Variants in ZBTB7C observed in about 807,000 individuals in gnomAD.
ZBTB7C encodes the protein zinc finger and BTB domain-containing protein 7C.
Under a neutral mutation model 25.7 loss-of-function variants are expected in ZBTB7C, and 8 were observed. The ratio of observed to expected loss-of-function variants is 0.31; its 90% confidence interval spans 0.18 to 0.56. The LOEUF (loss-of-function observed/expected upper bound fraction) is 0.56, where lower values mean the gene tolerates loss of function less well. Among genes scored for constraint, ZBTB7C ranks in the 20% least tolerant of loss-of-function variants. The probability of loss-of-function intolerance (pLI) is 0.91; values close to 1 mark genes in which losing one functional copy is unlikely to be tolerated. For synonymous variants in ZBTB7C, 394 were observed against 369.0 expected (o/e 1.07, Z -0.78); for missense variants, 824 against 855.2 (o/e 0.96, Z 0.46).
chr18:48,259,368 T>G (rs2044106841), intron 2 of ZBTB7C, among the ~76,000 whole-genome samples: 1 of 148,178 alleles, frequency 6.7e-6, no homozygotes, highest in Non-Finnish European at 1.5e-5. Context: ...AATATATACC[T>G]TCTACCATAC....
chr18:48,364,465 T>G (rs1186515878), intron 1 of ZBTB7C, among the ~76,000 whole-genome samples: 1 of 152,060 alleles, frequency 6.6e-6, no homozygotes, highest in Non-Finnish European at 1.5e-5. Context: ...AAATTCCAGA[T>G]GGGAGCACAG....
intron 3 of ZBTB7C, among the ~76,000 whole-genome samples, chr18:48,121,540 G>A (rs1314036617): frequency 6.6e-6 from 1 of 152,154 alleles, no homozygotes; most frequent in African/African-American, 2.4e-5. Flanking sequence ...GAGCCTGGAT[G>A]AGATGCCTCC....
chr18:48,383,772 G>A (rs1417162316), intron 1 of ZBTB7C, among the ~76,000 whole-genome samples: 3 of 152,164 alleles, frequency 2.0e-5, no homozygotes, highest in Non-Finnish European at 4.4e-5. Flanking sequence ...TGGTGCCTAG[G>A]TAAGGCTGGA....
chr18:48,394,359 T>C (rs976851911), intron 1 of ZBTB7C, among the ~76,000 whole-genome samples: 1 of 152,118 alleles, frequency 6.6e-6, no homozygotes, highest in Non-Finnish European at 1.5e-5. Context: ...GAAAGAGCAA[T>C]TTCTGAAGAG....
At chr18:48,153,725 A>G (rs2040748435) in intron 3 of ZBTB7C, among the ~76,000 whole-genome samples, 1 of 152,228 alleles carries the variant, frequency 6.6e-6, no homozygotes, top group Non-Finnish European at 1.5e-5. Context: ...ACACTCCAGG[A>G]TACACTCAGA....
At chr18:48,199,837 A>G (rs2042396439) in intron 2 of ZBTB7C, among the ~76,000 whole-genome samples, 1 of 152,244 alleles carries the variant, frequency 6.6e-6, no homozygotes, top group Non-Finnish European at 1.5e-5. Flanking sequence ...TCCAGAGGAT[A>G]TGATCCAAGA....
At chr18:48,309,902 A>T (rs2045771562) in intron 2 of ZBTB7C, among the ~76,000 whole-genome samples, 1 of 152,102 alleles carries the variant, frequency 6.6e-6, no homozygotes, top group Non-Finnish European at 1.5e-5. Flanking sequence ...AAGAGTTGCA[A>T]ATGTCAAGTG....
At chr18:48,292,568 G>A (rs1321737056) in intron 2 of ZBTB7C, among the ~76,000 whole-genome samples, 1 of 152,210 alleles carries the variant, frequency 6.6e-6, no homozygotes, top group Non-Finnish European at 1.5e-5. Context: ...GCAGAGAGAA[G>A]AGATGCTGTC....
Position 48,263,128 on chromosome 18 carries a change from T to C in ZBTB7C, c.-79+75046A>G, listed in dbSNP as rs540635085. Among the ~76,000 whole-genome samples, 22 of 152,310 alleles carry C rather than the reference T, an allele frequency of 1.4e-4. 1 individual carries two copies. The South Asian group carries it at 4.1e-3, about 29-fold the overall frequency. Reference sequence around the variant, plus strand: ...ACTCCTCATTGTCCCACAAACACCATAAAAGTTCCTGTCCCAGTGCTTGGT... The same window carrying C: ...ACTCCTCATTGTCCCACAAACACCACAAAAGTTCCTGTCCCAGTGCTTGGT... On this transcript the variant is annotated intron_variant, in intron 2 of 4. Coordinates refer to ENST00000590800, the MANE Select transcript of ZBTB7C (RefSeq NM_001318841.2).
intron 1 of ZBTB7C, 143 bp from the exon 2 acceptor site, chr18:48,338,541 T>A (rs763506192): frequency 6.6e-6 from 1 of 152,258 alleles, no homozygotes; most frequent in Non-Finnish European, 1.5e-5. Context: ...ACCAACTCGA[T>A]CTCATCCAGG....
intron 3 of ZBTB7C, among the ~76,000 whole-genome samples, chr18:48,086,415 C>T (rs1598851411): frequency 6.6e-6 from 1 of 152,308 alleles, no homozygotes; most frequent in Admixed American, 6.5e-5. Context: ...CCAGAGCCTG[C>T]ATTTCTACCT....
intron 2 of ZBTB7C, among the ~76,000 whole-genome samples, chr18:48,265,133 C>G (rs1177634309): frequency 6.6e-6 from 1 of 152,156 alleles, no homozygotes; most frequent in Non-Finnish European, 1.5e-5. Flanking sequence ...ACCTGGCCTG[C>G]CTTTGGCAAG....
chr18:48,055,410 CAAAA>C (rs57782791), intron 3 of ZBTB7C, among the ~76,000 whole-genome samples: 1,167 of 72,766 alleles, frequency 0.016, 15 homozygotes, highest in African/African-American at 0.058. Flanking sequence ...ACTCAAGTCT[CAAAA>C]AAAAAAAAAA....
At chr18:48,376,671 T>C (rs1208121361) in intron 1 of ZBTB7C, among the ~76,000 whole-genome samples, 1 of 152,252 alleles carries the variant, frequency 6.6e-6, no homozygotes, top group African/African-American at 2.4e-5. Flanking sequence ...CTCTGCAGTC[T>C]GGGTGTACAA....
chr18:48,225,755 T>G (rs1354389126), intron 2 of ZBTB7C, among the ~76,000 whole-genome samples: 3 of 152,068 alleles, frequency 2.0e-5, no homozygotes, highest in Non-Finnish European at 4.4e-5. Flanking sequence ...TTCCTAATTT[T>G]TTTTTTGAGA....
chr18:48,063,886 A>C (rs2144342612), intron 3 of ZBTB7C, among the ~76,000 whole-genome samples: 2 of 151,782 alleles, frequency 1.3e-5, no homozygotes, highest in Middle Eastern at 6.9e-3. Context: ...TTTATATTTA[A>C]TTTATAATTA....
At chr18:48,313,265 G>T (rs2045865294) in intron 2 of ZBTB7C, among the ~76,000 whole-genome samples, 1 of 152,148 alleles carries the variant, frequency 6.6e-6, no homozygotes, top group South Asian at 2.1e-4. Flanking sequence ...AAACCCTAGA[G>T]TTCGGAGTGA....
intron 3 of ZBTB7C, among the ~76,000 whole-genome samples, chr18:48,081,057 TC>T (rs1377968081): frequency 3.9e-5 from 6 of 152,244 alleles, no homozygotes; most frequent in African/African-American, 1.4e-4. Context: ...ATGGAGCTTC[TC>T]CCATTACTGG....
At chr18:48,283,341 A>C (rs552127252) in intron 2 of ZBTB7C, among the ~76,000 whole-genome samples, 1 of 152,322 alleles carries the variant, frequency 6.6e-6, no homozygotes, top group Admixed American at 6.5e-5. Flanking sequence ...GATTATATGA[A>C]ATTTAATTTC....
Sources: gnomAD v4.1 joint callset for allele counts (sites outside exome capture counted in the v4.1 genomes callset) on GRCh38, gnomAD v4.1.1 for gene constraint, MANE v1.5 for transcripts, NCBI Gene and HGNC (gene_info 2026-07-23, HGNC 2026-07-21) for gene names.